Variants in GUCY1A2 observed in about 807,000 individuals in gnomAD.
The protein encoded by GUCY1A2 is guanylate cyclase soluble subunit alpha-2.
GUCY1A2 carries 27 observed loss-of-function variants against 63.5 expected under a neutral mutation model. The ratio of observed to expected loss-of-function variants is 0.43; its 90% CI spans 0.31 to 0.59. GUCY1A2 has a LOEUF of 0.59. GUCY1A2 is among the 20% of genes least tolerant of loss of function. The pLI is 0.11. For synonymous variants in GUCY1A2, 364 were observed against 343.5 expected (o/e 1.06, Z -0.66); for missense variants, 768 against 913.3 (o/e 0.84, Z 2.05).
chr11:106,776,792 T>G (rs977340211), intron 5 of GUCY1A2, among the ~76,000 whole-genome samples: 2 of 152,204 alleles, frequency 1.3e-5, no homozygotes, highest in South Asian at 2.1e-4. Context: ...TCATTAACAT[T>G]ATCACTAGAG....
chr11:107,014,024 A>G (rs1207529194), intron 1 of GUCY1A2, among the ~76,000 whole-genome samples: 1 of 151,812 alleles, frequency 6.6e-6, no homozygotes, highest in Non-Finnish European at 1.5e-5. Context: ...CCTATCTTAA[A>G]AAGTAAACTA....
intron 4 of GUCY1A2, among the ~76,000 whole-genome samples, chr11:106,932,462 C>A (rs1461115507): frequency 6.6e-6 from 1 of 152,062 alleles, no homozygotes; most frequent in African/African-American, 2.4e-5. Flanking sequence ...ATGAACATCA[C>A]TAATATCTGC....
chr11:106,689,284 T>C (rs1409126852), intron 7 of GUCY1A2, among the ~76,000 whole-genome samples: 7 of 152,138 alleles, frequency 4.6e-5, no homozygotes, highest in Non-Finnish European at 1.0e-4. Flanking sequence ...TTTTAAAAAC[T>C]AGAGCTATAG....
At chr11:106,790,699 G>A (rs1864642954) in intron 5 of GUCY1A2, among the ~76,000 whole-genome samples, 1 of 152,126 alleles carries the variant, frequency 6.6e-6, no homozygotes, top group African/African-American at 2.4e-5. Context: ...CTCTTTAGGT[G>A]ATGGGTCCAG....
At chr11:106,797,417 T>C (rs1045284277) in intron 5 of GUCY1A2, among the ~76,000 whole-genome samples, 3 of 152,122 alleles carry the variant, frequency 2.0e-5, no homozygotes, top group Admixed American at 2.0e-4. Context: ...AACTCAACTC[T>C]GCACCAAGTG....
At chr11:106,799,322 C>T (rs1041777648) in intron 5 of GUCY1A2, among the ~76,000 whole-genome samples, 8 of 152,106 alleles carry the variant, frequency 5.3e-5, no homozygotes, top group Non-Finnish European at 1.0e-4. Flanking sequence ...CCATACTGCC[C>T]GAGGTAATTT....
intron 4 of GUCY1A2, among the ~76,000 whole-genome samples, chr11:106,891,384 C>T (rs971598571): frequency 6.6e-6 from 1 of 151,704 alleles, no homozygotes; most frequent in African/African-American, 2.4e-5. Flanking sequence ...ATATTTGCTC[C>T]CTGTCTGTGG....
intron 4 of GUCY1A2, among the ~76,000 whole-genome samples, chr11:106,836,729 T>C (rs1028914338): frequency 6.6e-6 from 1 of 151,938 alleles, no homozygotes; most frequent in Non-Finnish European, 1.5e-5. Flanking sequence ...TCACATGCCA[T>C]TTTAAGAGGA....
In GUCY1A2 at chr11:106,827,472, C is replaced by G. The variant is rs564410602; in HGVS notation, c.1207-16994G>C. The G allele has an allele frequency of 8.3e-6, 12 of 1,447,194 alleles. No homozygotes were observed. The Admixed American group carries it at 1.0e-4, about 12-fold the overall frequency. The allele number at this position is 1,447,194 out of a possible 1,614,324, so 89.6% of individuals were successfully genotyped here. Reference sequence around the variant, plus strand: ...TTCTTTTAGCTTTAGTAAGCTGTTTCTGAAATTCCTGAGCACTGTCTGTAT... The same window carrying G: ...TTCTTTTAGCTTTAGTAAGCTGTTTGTGAAATTCCTGAGCACTGTCTGTAT... On this transcript the variant is annotated intron_variant, in intron 4 of 7. Coordinates refer to ENST00000526355, the MANE Select transcript of GUCY1A2 (RefSeq NM_000855.3).
At position 106,687,369 on chromosome 11, in the gene GUCY1A2, CT is replaced by C; in HGVS notation, c.*179del. On this transcript the variant is annotated 3_prime_UTR_variant, in exon 8 of 8. Transcript: ENST00000526355. ...ACATCTTATTTCCCTCATCCTCCGGCTTTTTATTGACAGCGGTCACCTCCAC... is the reference window on the plus strand; with the variant it reads ...ACATCTTATTTCCCTCATCCTCCGGCTTTTATTGACAGCGGTCACCTCCAC... 3.3e-6 allele frequency: 2 copies of C among 600,834 alleles called. No individual in the cohort carries two copies. Among genetic ancestry groups the C allele is most frequent in the South Asian group, 4.1e-5 (2 of 49,204 alleles). 37.2% of individuals were successfully genotyped at this position (600,834 alleles called of 1,614,324 possible). A position where few individuals can be genotyped will look rare whatever the true frequency, so the allele number is the denominator to read the frequency against.
intron 6 of GUCY1A2, among the ~76,000 whole-genome samples, chr11:106,711,440 A>G (rs1190107689): frequency 6.6e-6 from 1 of 152,110 alleles, no homozygotes; most frequent in African/African-American, 2.4e-5. Flanking sequence ...ATACTTTGAA[A>G]ACATAGACTT....
chr11:106,709,683 TATTA>T (rs1455479693), intron 6 of GUCY1A2, among the ~76,000 whole-genome samples: 1 of 49,962 alleles, frequency 2.0e-5, no homozygotes, highest in Non-Finnish European at 3.5e-5. Flanking sequence ...TATAGTTATA[TATTA>T]TATACACGTA....
chr11:106,917,332 T>C (rs1222735995), intron 4 of GUCY1A2, among the ~76,000 whole-genome samples: 2 of 145,512 alleles, frequency 1.4e-5, no homozygotes, highest in African/African-American at 4.9e-5. Context: ...TTGGGGCAGC[T>C]GGATGAGACT....
intron 3 of GUCY1A2, among the ~76,000 whole-genome samples, chr11:106,950,810 C>T (rs1860896923): frequency 6.6e-6 from 1 of 152,114 alleles, no homozygotes; most frequent in African/African-American, 2.4e-5. Flanking sequence ...ATGTGCAGAA[C>T]GTGCAGGTTT....
At chr11:106,824,990 G>A (rs1209425474) in intron 4 of GUCY1A2, 1 of 1,609,054 alleles carries the variant, frequency 6.2e-7, no homozygotes, top group Non-Finnish European at 8.5e-7. Flanking sequence ...AATTAAAGAT[G>A]GTTTATGCAT....
intron 4 of GUCY1A2, among the ~76,000 whole-genome samples, chr11:106,819,048 G>T (rs1456281477): frequency 6.6e-6 from 1 of 152,136 alleles, no homozygotes; most frequent in Non-Finnish European, 1.5e-5. Flanking sequence ...AGAGCTTCAA[G>T]ACTTCAGTTG....
chr11:106,804,774 C>T (rs1034245875), intron 5 of GUCY1A2, among the ~76,000 whole-genome samples: 6 of 152,208 alleles, frequency 3.9e-5, no homozygotes, highest in African/African-American at 1.4e-4. Context: ...TTGTCCTGTG[C>T]ACCCTCTGAT....
intron 6 of GUCY1A2, among the ~76,000 whole-genome samples, chr11:106,755,969 T>G (rs896742774): frequency 1.3e-5 from 2 of 152,118 alleles, no homozygotes; most frequent in Non-Finnish European, 2.9e-5. Context: ...CGATTACTAA[T>G]GTGTGGGAGT....
rs1180197866 is a variant in GUCY1A2 at position 106,883,101 on chromosome 11, T to C, written c.1206+56359A>G. On this transcript the variant is annotated intron_variant, in intron 4 of 7. Transcript: ENST00000526355. ...ACACATTGAAGGTATCTAGAGAAAG[T>C]GAATTATTATTGAAGGGAATTAAAA... Among the ~76,000 whole-genome samples the C allele has an allele frequency of 5.3e-5, 8 of 152,060 alleles. No individual in the cohort carries two copies. The South Asian group carries it at 1.7e-3, about 31-fold the overall frequency.
Sources: gnomAD v4.1 joint callset for allele counts (sites outside exome capture counted in the v4.1 genomes callset) on GRCh38, gnomAD v4.1.1 for gene constraint, MANE v1.5 for transcripts, NCBI Gene and HGNC (gene_info 2026-07-23, HGNC 2026-07-21) for gene names.